PXDNL: variants seen among roughly 807,000 people sequenced by gnomAD.
The protein encoded by PXDNL is peroxidasin like, also known as probable oxidoreductase PXDNL.
Under a neutral mutation model 150.8 loss-of-function variants are expected in PXDNL, and 145 were observed. That is an observed-to-expected ratio of 0.96 (90% CI 0.84 to 1.10). The LOEUF is 1.10. PXDNL is among the 50% of genes least tolerant of loss of function. PXDNL has a pLI of 0.00. For missense variants in PXDNL, 2,087 were observed against 1,873.9 expected (o/e 1.11, Z -2.10); for synonymous variants, 757 against 725.7 (o/e 1.04, Z -0.69).
At chr8:51,706,871 A>C (rs1293496523) in intron 1 of PXDNL, among the ~76,000 whole-genome samples, 1 of 152,178 alleles carries the variant, frequency 6.6e-6, no homozygotes, top group African/African-American at 2.4e-5. Flanking sequence ...ACAGACGTCA[A>C]CCTTTGAAGC....
intron 1 of PXDNL, among the ~76,000 whole-genome samples, chr8:51,784,324 T>C (rs1230177826): frequency 1.3e-5 from 2 of 152,256 alleles, no homozygotes; most frequent in Admixed American, 1.3e-4. Flanking sequence ...CAGTCAAAAC[T>C]AATTATTTCT....
intron 1 of PXDNL, among the ~76,000 whole-genome samples, chr8:51,702,862 A>G (rs1485998671): frequency 6.6e-6 from 1 of 152,124 alleles, no homozygotes; most frequent in East Asian, 1.9e-4. Flanking sequence ...ACGCAGAAAC[A>G]AAAGAAAACT....
chr8:51,749,449 C>T (rs2037019361), intron 1 of PXDNL, among the ~76,000 whole-genome samples: 2 of 152,290 alleles, frequency 1.3e-5, no homozygotes, highest in East Asian at 3.9e-4. Context: ...CTGTAGGAAA[C>T]TGAAACATAT....
At chr8:51,336,762 A>C (rs1207454569) in intron 21 of PXDNL, among the ~76,000 whole-genome samples, 3 of 152,174 alleles carry the variant, frequency 2.0e-5, no homozygotes, top group Non-Finnish European at 4.4e-5. Context: ...CCTATCAGTC[A>C]GGCATTTGCT....
chr8:51,609,305 T>A lies in PXDNL; in HGVS notation c.237-16607A>T, dbSNP rs184636608. Among the ~76,000 whole-genome samples, 262 of 152,112 alleles carry A rather than the reference T, an allele frequency of 1.7e-3. 1 individual carries two copies. The highest frequency in any genetic ancestry group is 5.9e-3 in the African/African-American group (244 of 41,488). Reference sequence around the variant, plus strand: ...CATAAGAATAAAAAACTAGAAAAAATTCAAGTGGTAATTTATAGAGTATGA... The same window carrying A: ...CATAAGAATAAAAAACTAGAAAAAAATCAAGTGGTAATTTATAGAGTATGA... On this transcript the variant is annotated intron_variant, in intron 2 of 22. Transcript: ENST00000356297.
chr8:51,371,776 A>T, intron 19 of PXDNL, 97 bp downstream of exon 19: 4 of 1,118,744 alleles, frequency 3.6e-6, no homozygotes, highest in Admixed American at 2.1e-5. Flanking sequence ...CTTTTTGCGT[A>T]TCTTTCTTTA....
chr8:51,403,475 G>A (rs1249027333), intron 17 of PXDNL, among the ~76,000 whole-genome samples: 11 of 152,142 alleles, frequency 7.2e-5, no homozygotes, highest in Admixed American at 7.2e-4. Flanking sequence ...AGAAAAAAGT[G>A]TCAGCTTCCC....
intron 4 of PXDNL, among the ~76,000 whole-genome samples, chr8:51,532,726 T>C (rs1362339738): frequency 1.3e-5 from 2 of 152,214 alleles, no homozygotes; most frequent in Non-Finnish European, 2.9e-5. Flanking sequence ...ATATTAGCCA[T>C]AGTCTTCTGG....
intron 12 of PXDNL, among the ~76,000 whole-genome samples, chr8:51,440,040 CAT>C (rs149260600): frequency 1.3e-5 from 2 of 150,366 alleles, no homozygotes; most frequent in African/African-American, 2.4e-5. Flanking sequence ...GACAGATATA[CAT>C]ATATATATAT....
intron 3 of PXDNL, among the ~76,000 whole-genome samples, chr8:51,571,755 G>A (rs1812949067): frequency 6.6e-6 from 1 of 151,782 alleles, no homozygotes; most frequent in African/African-American, 2.4e-5. Context: ...AGAATATTAA[G>A]CTTATTTGTG....
chr8:51,578,242 C>T (rs184718189), intron 3 of PXDNL, among the ~76,000 whole-genome samples: 2 of 151,574 alleles, frequency 1.3e-5, no homozygotes, highest in Admixed American at 1.3e-4. Context: ...GAATCTACTC[C>T]CCAAAATAAT....
At chr8:51,660,511 C>G (rs1220171079) in intron 1 of PXDNL, among the ~76,000 whole-genome samples, 1 of 152,154 alleles carries the variant, frequency 6.6e-6, no homozygotes, top group African/African-American at 2.4e-5. Context: ...TCAGAGAGTG[C>G]CGTCTTACCA....
chr8:51,794,509 T>C (rs939426064), intron 1 of PXDNL, among the ~76,000 whole-genome samples: 1 of 152,172 alleles, frequency 6.6e-6, no homozygotes, highest in African/African-American at 2.4e-5. Flanking sequence ...GTGGCCAATA[T>C]TAAACATTCT....
chr8:51,377,376 C>T (rs1807357113), intron 17 of PXDNL, among the ~76,000 whole-genome samples: 1 of 152,108 alleles, frequency 6.6e-6, no homozygotes, highest in Non-Finnish European at 1.5e-5. Flanking sequence ...CACTCGCTGT[C>T]GCGGCCTCCT....
chr8:51,320,566 C>T (rs1392105662), intron 22 of PXDNL, among the ~76,000 whole-genome samples: 1 of 152,180 alleles, frequency 6.6e-6, no homozygotes, highest in Admixed American at 6.5e-5. Context: ...ATGGAAAAAG[C>T]TCGTGGTCTC....
intron 17 of PXDNL, among the ~76,000 whole-genome samples, chr8:51,395,116 C>T (rs2130849146): frequency 6.6e-6 from 1 of 152,304 alleles, no homozygotes; most frequent in Non-Finnish European, 1.5e-5. Flanking sequence ...TCTGCAGAGC[C>T]CTAACCACAA....
chr8:51,516,249 G>A (rs1351950516), intron 4 of PXDNL, among the ~76,000 whole-genome samples: 1 of 152,132 alleles, frequency 6.6e-6, no homozygotes, highest in Non-Finnish European at 1.5e-5. Flanking sequence ...TTCAATTTAT[G>A]TAAAATATGC....
chr8:51,723,735 G>C (rs1046810091), intron 1 of PXDNL, among the ~76,000 whole-genome samples: 3 of 152,206 alleles, frequency 2.0e-5, no homozygotes, highest in Admixed American at 6.5e-5. Flanking sequence ...TCCTCTGAGC[G>C]AGGTGGGGCT....
chr8:51,431,229 C>T (rs1809239012), intron 12 of PXDNL, among the ~76,000 whole-genome samples: 1 of 152,162 alleles, frequency 6.6e-6, no homozygotes, highest in Non-Finnish European at 1.5e-5. Context: ...CATGCTCTTC[C>T]ATCTTTTCAG....
Sources: allele counts gnomAD v4.1 joint callset (sites outside exome capture counted in the v4.1 genomes callset), GRCh38; gene constraint gnomAD v4.1.1; transcripts MANE v1.5; gene names NCBI Gene and HGNC (gene_info 2026-07-23, HGNC 2026-07-21).